SND1: variants seen among roughly 807,000 people sequenced by gnomAD.
The protein encoded by SND1 is staphylococcal nuclease domain-containing protein 1.
SND1 carries 38 observed loss-of-function variants against 121.7 expected under a neutral mutation model. The observed-to-expected ratio is 0.31, with a 90% confidence interval of 0.24 to 0.41. The LOEUF (loss-of-function observed/expected upper bound fraction) is 0.41. Among genes scored for constraint, SND1 ranks in the 10% least tolerant of loss-of-function variants. SND1 has a pLI of 1.00. For synonymous variants in SND1, 401 were observed against 447.4 expected (o/e 0.90, Z 1.31); for missense variants, 868 against 1,184.6 (o/e 0.73, Z 3.92).
chr7:127,673,948 C>G (rs1244762885), intron 1 of SND1, among the ~76,000 whole-genome samples: 4 of 152,044 alleles, frequency 2.6e-5, no homozygotes, highest in Admixed American at 2.6e-4. Flanking sequence ...TTCAAGAAGC[C>G]TTGGTTCTAT....
chr7:127,966,115 T>A (rs1246509815), intron 15 of SND1, among the ~76,000 whole-genome samples: 3 of 149,036 alleles, frequency 2.0e-5, no homozygotes, highest in Non-Finnish European at 4.4e-5. Context: ...CCCTTTATCA[T>A]TTTTTATTGT....
At chr7:127,879,232 A>C (rs917483706) in intron 12 of SND1, among the ~76,000 whole-genome samples, 1 of 152,134 alleles carries the variant, frequency 6.6e-6, no homozygotes, top group Non-Finnish European at 1.5e-5. Flanking sequence ...TTGTCAGCTT[A>C]CAGAAGCCAA....
intron 10 of SND1, among the ~76,000 whole-genome samples, chr7:127,766,680 C>CAGA (rs1563005906): frequency 7.8e-6 from 1 of 128,692 alleles, no homozygotes; most frequent in African/African-American, 2.9e-5. Context: ...GAGGCTGAGG[C>CAGA]AGAATGGCGT....
intron 14 of SND1, among the ~76,000 whole-genome samples, chr7:127,917,872 C>T (rs1431363241): frequency 6.6e-6 from 1 of 152,214 alleles, no homozygotes; most frequent in East Asian, 1.9e-4. Context: ...AGTTTACAGA[C>T]TTTATTATAG....
intron 15 of SND1, among the ~76,000 whole-genome samples, chr7:127,981,680 G>A (rs1186510132): frequency 1.3e-5 from 2 of 152,168 alleles, no homozygotes; most frequent in African/African-American, 4.8e-5. Flanking sequence ...AGATTGTGTG[G>A]TGTCTAAAGC....
intron 15 of SND1, among the ~76,000 whole-genome samples, chr7:127,963,196 G>C (rs1323370474): frequency 6.6e-6 from 1 of 151,978 alleles, no homozygotes; most frequent in African/African-American, 2.4e-5. Context: ...ACTTTGGATG[G>C]AATGTGGATG....
chr7:127,741,526 G>A (rs1227032455), intron 10 of SND1, among the ~76,000 whole-genome samples: 2 of 152,130 alleles, frequency 1.3e-5, no homozygotes, highest in Non-Finnish European at 2.9e-5. Flanking sequence ...AGGCCTTGTT[G>A]TACCGCAGGT....
rs936660676 is a variant in SND1, at chr7:128,092,328, T to TTTA, written c.*270_*271insTTA. ...TATTTGGAGGTTTGTGGGCTTTTTT[T>TTTA]AAAAAAAAAAAGTCCTCAAATCAGG... On this transcript the variant is annotated 3_prime_UTR_variant, in exon 24 of 24. Coordinates refer to ENST00000354725, the MANE Select transcript of SND1 (RefSeq NM_014390.4). This position sits in a 1 kb window ranked among gnomAD's most constrained non-coding sequence, Gnocchi z 4.9. 1.3e-5 allele frequency: 5 copies of TTTA among 384,902 alleles called. No homozygotes were observed. The highest frequency in any genetic ancestry group is 1.0e-4 in the African/African-American group (5 of 48,210). The allele number at this position is 384,902 out of a possible 1,614,324, so 23.8% of individuals were successfully genotyped here. A position where few individuals can be genotyped will look rare whatever the true frequency, so the allele number is the denominator to read the frequency against.
At chr7:127,811,247 T>A (rs1182719214) in intron 11 of SND1, among the ~76,000 whole-genome samples, 1 of 152,234 alleles carries the variant, frequency 6.6e-6, no homozygotes, top group Non-Finnish European at 1.5e-5. Flanking sequence ...GTTATGGGGC[T>A]ATAAATCATT....
intron 13 of SND1, among the ~76,000 whole-genome samples, chr7:127,902,211 A>G (rs1800247519): frequency 1.3e-5 from 2 of 152,196 alleles, no homozygotes. Context: ...AGCCCCAGGA[A>G]AGGCCACAAT....
intron 16 of SND1, among the ~76,000 whole-genome samples, chr7:128,063,963 G>T (rs980243790): frequency 2.0e-5 from 3 of 152,238 alleles, no homozygotes; most frequent in Admixed American, 2.0e-4. Context: ...CGCTTATTCT[G>T]TGCTGTACTG....
chr7:127,799,352 G>A (rs1370165247), intron 10 of SND1, among the ~76,000 whole-genome samples: 4 of 152,136 alleles, frequency 2.6e-5, no homozygotes, highest in African/African-American at 9.7e-5. Flanking sequence ...CTAGTAAAAG[G>A]GGGATCATGA....
intron 10 of SND1, among the ~76,000 whole-genome samples, chr7:127,749,496 T>G (rs1414357990): frequency 6.6e-6 from 1 of 152,122 alleles, no homozygotes; most frequent in African/African-American, 2.4e-5. Context: ...GTGAAGAGGC[T>G]GTTGGTGGTA....
intron 12 of SND1, among the ~76,000 whole-genome samples, chr7:127,878,310 A>G (rs3808089): frequency 0.21 from 31,691 of 152,116 alleles, 3,906 homozygotes; most frequent in African/African-American, 0.35. Context: ...CTTAAATATG[A>G]ACTAAAACTT....
intron 12 of SND1, chr7:127,858,506 G>T: frequency 7.5e-6 from 4 of 533,794 alleles, no homozygotes; most frequent in Non-Finnish European, 1.4e-5. Context: ...ACCTGCAGAA[G>T]TTCTGTACTT....
chr7:127,809,401 CT>C (rs1423881800), intron 11 of SND1, among the ~76,000 whole-genome samples: 1 of 152,224 alleles, frequency 6.6e-6, no homozygotes, highest in African/African-American at 2.4e-5. Context: ...CTGATGCAAA[CT>C]GCTTTTCCTG....
At chr7:128,010,014 CAGACTGCGG>C (rs1440088789) in intron 16 of SND1, among the ~76,000 whole-genome samples, 1 of 152,204 alleles carries the variant, frequency 6.6e-6, no homozygotes. Flanking sequence ...CTAAAGATCA[CAGACTGCGG>C]AGTCGTCACT....
chr7:127,653,309 T>G (rs1795154696), intron 1 of SND1, among the ~76,000 whole-genome samples: 1 of 152,224 alleles, frequency 6.6e-6, no homozygotes, highest in Non-Finnish European at 1.5e-5. Context: ...GTTTATCACT[T>G]GCCCCCAGTT....
intron 15 of SND1, among the ~76,000 whole-genome samples, chr7:127,932,575 G>T (rs577559634): frequency 6.6e-6 from 1 of 152,324 alleles, no homozygotes; most frequent in South Asian, 2.1e-4. Flanking sequence ...TTTGAAAGAA[G>T]TTCTACAGTG....
Sources: gnomAD v4.1 joint callset for allele counts (sites outside exome capture counted in the v4.1 genomes callset) on GRCh38, gnomAD v4.1.1 for gene constraint, Gnocchi (gnomAD v3.1) non-coding constraint, MANE v1.5 for transcripts, NCBI Gene and HGNC (gene_info 2026-07-23, HGNC 2026-07-21) for gene names.